Variants in ARHGAP25 observed in about 807,000 individuals in gnomAD.
ARHGAP25 encodes rho GTPase-activating protein 25.
Under a neutral mutation model 71.0 loss-of-function variants are expected in ARHGAP25, and 34 were observed. The observed-to-expected ratio is 0.48, with a 90% confidence interval of 0.36 to 0.64. The LOEUF (loss-of-function observed/expected upper bound fraction) is 0.64, where lower values mean the gene tolerates loss of function less well. Among genes scored for constraint, ARHGAP25 ranks in the 30% least tolerant of loss-of-function variants. The pLI is 0.00. For synonymous variants in ARHGAP25, 282 were observed against 296.5 expected (o/e 0.95, Z 0.50); for missense variants, 706 against 805.1 (o/e 0.88, Z 1.49).
chr2:68,723,594 G>A (rs1004592675), intron 2 of ARHGAP25, among the ~76,000 whole-genome samples: 7 of 152,088 alleles, frequency 4.6e-5, no homozygotes, highest in South Asian at 2.1e-4. Context: ...TTTTCTGTGC[G>A]GCACAGTCCC....
Position 68,819,256 on chromosome 2 carries a change from C to T in ARHGAP25, c.1137C>T (p.Ser379=). The T allele has an allele frequency of 6.2e-7, 1 of 1,614,178 alleles. No individual in the cohort carries two copies. Among genetic ancestry groups the T allele is most frequent in the Non-Finnish European group, 8.5e-7 (1 of 1,180,028 alleles). Reference sequence around the variant, plus strand: ...CCAAGAAAGCTCCAGTGGCCCGAAGCTCTGTAGGCTGGGATGCCACTGAAG... The same window carrying T: ...CCAAGAAAGCTCCAGTGGCCCGAAGTTCTGTAGGCTGGGATGCCACTGAAG... The part of the protein sequence containing the change: ...NDPKKAPVAR[S]SVGWDATEDL... Residue 379 remains serine, a synonymous_variant, in exon 9 of 11, where the codon AGC becomes AGT. Coordinates refer to ENST00000409202, the MANE Select transcript of ARHGAP25 (RefSeq NM_001007231.3).
At chr2:68,821,631 T>G (rs1479129089) in intron 9 of ARHGAP25, among the ~76,000 whole-genome samples, 1 of 152,222 alleles carries the variant, frequency 6.6e-6, no homozygotes, top group Non-Finnish European at 1.5e-5. Flanking sequence ...CAACAGAGTT[T>G]GTTGTCAAAT....
At chr2:68,804,696 G>A (rs1680239647) in intron 4 of ARHGAP25, among the ~76,000 whole-genome samples, 1 of 152,158 alleles carries the variant, frequency 6.6e-6, no homozygotes, top group African/African-American at 2.4e-5. Context: ...CACATGGCAG[G>A]GCACTCAATG....
intron 4 of ARHGAP25, among the ~76,000 whole-genome samples, chr2:68,790,065 T>C (rs996360764): frequency 1.3e-5 from 2 of 152,224 alleles, no homozygotes; most frequent in African/African-American, 4.8e-5. Flanking sequence ...CTCGGCTCAC[T>C]GCAACCTCCG....
chr2:68,766,576 G>A (rs528911979), intron 1 of ARHGAP25, among the ~76,000 whole-genome samples: 17 of 152,282 alleles, frequency 1.1e-4, no homozygotes, highest in African/African-American at 4.1e-4. Flanking sequence ...CTGGAGGGGT[G>A]GCCCTGGAGA....
chr2:68,741,193 G>A (rs1206876954), intron 1 of ARHGAP25, among the ~76,000 whole-genome samples: 1 of 152,124 alleles, frequency 6.6e-6, no homozygotes, highest in African/African-American at 2.4e-5. Flanking sequence ...GTCTTTTAAT[G>A]TTATATCTTC....
intron 2 of ARHGAP25, among the ~76,000 whole-genome samples, chr2:68,713,095 T>C (rs535070451): frequency 7.9e-5 from 12 of 152,248 alleles, no homozygotes; most frequent in Non-Finnish European, 1.6e-4. Context: ...TAAATTACTT[T>C]GGGCAGTATG....
chr2:68,810,428 C>A (rs1183115278), intron 5 of ARHGAP25, among the ~76,000 whole-genome samples: 1 of 152,178 alleles, frequency 6.6e-6, no homozygotes, highest in Admixed American at 6.5e-5. Context: ...ACCCAATAAA[C>A]AAGAATGAGA....
At chr2:68,749,975 A>T (rs1676057677) in intron 1 of ARHGAP25, among the ~76,000 whole-genome samples, 1 of 152,198 alleles carries the variant, frequency 6.6e-6, no homozygotes. Context: ...TTAATATTCC[A>T]GAGTACAGCT....
upstream of ARHGAP25, among the ~76,000 whole-genome samples, chr2:68,731,811 T>C (rs1448960080): frequency 6.6e-6 from 1 of 151,498 alleles, no homozygotes; most frequent in Non-Finnish European, 1.5e-5. Flanking sequence ...CCCTCGCATA[T>C]ACACCCCCCC....
chr2:68,789,145 G>C (rs771028684), intron 4 of ARHGAP25, among the ~76,000 whole-genome samples: 1 of 151,582 alleles, frequency 6.6e-6, no homozygotes, highest in Non-Finnish European at 1.5e-5. Flanking sequence ...CCATTCTCCT[G>C]TCTCAGCCTC....
At chr2:68,815,487 T>G (rs535203144) in intron 6 of ARHGAP25, among the ~76,000 whole-genome samples, 3 of 138,958 alleles carry the variant, frequency 2.2e-5, no homozygotes, top group Middle Eastern at 3.7e-3. Flanking sequence ...GTTTGGCTCT[T>G]TCGCCCAGGC....
chr2:68,751,913 G>T (rs146577767), intron 1 of ARHGAP25, among the ~76,000 whole-genome samples: 1 of 152,214 alleles, frequency 6.6e-6, no homozygotes, highest in African/African-American at 2.4e-5. Context: ...GACGCTGGGA[G>T]TGGCCACTAG....
At chr2:68,798,567 G>A (rs1316257741) in intron 4 of ARHGAP25, among the ~76,000 whole-genome samples, 4 of 150,684 alleles carry the variant, frequency 2.7e-5, no homozygotes, top group Non-Finnish European at 5.9e-5. Flanking sequence ...CAAGCTAGGA[G>A]AAGACACAGC....
At position 68,818,057 on chromosome 2, in the gene ARHGAP25, A is replaced by G. The variant is rs561194509; in HGVS notation, c.1003+63A>G. 3.4e-5 allele frequency: 54 copies of G among 1,594,128 alleles called. 2 individuals carry two copies. The South Asian group carries it at 5.5e-4, about 16-fold the overall frequency. ...AATAACAATTACAACATTCCCCCTGATATTTGTGCACTGCTCTGTAGTTTC... is the reference window on the plus strand; with the variant it reads ...AATAACAATTACAACATTCCCCCTGGTATTTGTGCACTGCTCTGTAGTTTC... On this transcript the variant is annotated intron_variant, in intron 8 of 10. Coordinates refer to ENST00000409202, the MANE Select transcript of ARHGAP25 (RefSeq NM_001007231.3).
chr2:68,729,065 C>T (rs1449909700), intron 2 of ARHGAP25, among the ~76,000 whole-genome samples: 1 of 152,198 alleles, frequency 6.6e-6, no homozygotes, highest in South Asian at 2.1e-4. Context: ...TGTCCATACA[C>T]AAATCTATAG....
At chr2:68,815,808 C>G (rs62133266) in intron 6 of ARHGAP25, among the ~76,000 whole-genome samples, 50,483 of 151,616 alleles carry the variant, frequency 0.33, 8,524 homozygotes, top group East Asian at 0.43. Flanking sequence ...GCACCGTCCT[C>G]CAGCGTGGTC....
chr2:68,774,544 GC>G (rs1378395085), intron 1 of ARHGAP25, among the ~76,000 whole-genome samples: 1 of 152,238 alleles, frequency 6.6e-6, no homozygotes, highest in Admixed American at 6.5e-5. Flanking sequence ...GCCTTGTACA[GC>G]ATAAAGGGCT....
At chr2:68,807,507 C>T in intron 5 of ARHGAP25, 27 bp downstream of exon 5, 9 of 1,603,668 alleles carry the variant, frequency 5.6e-6, no homozygotes, top group Non-Finnish European at 7.7e-6. Context: ...CAGTGTCCCA[C>T]CTCTGCCCTC....
Sources: gnomAD v4.1 joint callset for allele counts (sites outside exome capture counted in the v4.1 genomes callset) on GRCh38, gnomAD v4.1.1 for gene constraint, MANE v1.5 for transcripts, NCBI Gene and HGNC (gene_info 2026-07-23, HGNC 2026-07-21) for gene names.